The following DIS3L2 variants were observed in gnomAD, a reference collection of about 807,000 sequenced individuals.
The protein encoded by DIS3L2 is DIS3 like 3'-5' exoribonuclease 2.
Under a neutral mutation model 97.5 loss-of-function variants are expected in DIS3L2, and 34 were observed. The ratio of observed to expected loss-of-function variants is 0.35; its 90% CI spans 0.27 to 0.46. The LOEUF is 0.46. DIS3L2 is among the 20% of genes least tolerant of loss of function. DIS3L2 has a pLI of 1.00. For missense variants in DIS3L2, 1,038 were observed against 1,146.0 expected, an observed-to-expected ratio of 0.91 and a Z score of 1.36; for synonymous variants, 435 against 445.2, an observed-to-expected ratio of 0.98 and a Z score of 0.29.
chr2:232,230,391 C>A (rs796091346), intron 10 of DIS3L2, among the ~76,000 whole-genome samples: 10 of 152,342 alleles, frequency 6.6e-5, no homozygotes, highest in African/African-American at 2.4e-4. Context: ...CGGAACATCC[C>A]TTTCGCTCAG....
intron 5 of DIS3L2, among the ~76,000 whole-genome samples, chr2:232,082,040 T>G (rs997566439): frequency 6.6e-6 from 1 of 152,194 alleles, no homozygotes; most frequent in Non-Finnish European, 1.5e-5. Context: ...TCCGCCCACC[T>G]TGTCCTCCCA....
At chr2:232,199,396 C>T (rs1030981721) in intron 9 of DIS3L2, among the ~76,000 whole-genome samples, 1 of 152,150 alleles carries the variant, frequency 6.6e-6, no homozygotes. Context: ...TGATTCCTAA[C>T]AGGTAGAGCT....
At position 232,163,530 on chromosome 2, in the gene DIS3L2, G is replaced by A. The variant is rs781451057; in HGVS notation, c.1022G>A (p.Gly341Asp). The change falls in exon 9 of 21, where the codon GGC (glycine) becomes GAC (aspartate). Residue 341 changes from glycine (G) to aspartate (D), a missense_variant. Coordinates refer to ENST00000325385, the MANE Select transcript of DIS3L2 (RefSeq NM_152383.5). The stretch of plus-strand genomic sequence containing the variant: ...ACAGAAGGAATACTAACAGAGTATG[G>A]CGTGGATTTCTCTGATTTCTCTTCA... Reference protein sequence around the residue: ...PETEGILTEYGVDFSDFSSEV... With the variant: ...PETEGILTEYDVDFSDFSSEV... The A allele has an allele frequency of 1.9e-6, 3 of 1,614,168 alleles. No individual in the cohort carries two copies. The South Asian group carries it at 3.3e-5, about 18-fold the overall frequency.
intron 13 of DIS3L2, among the ~76,000 whole-genome samples, chr2:232,288,029 T>C (rs1694492947): frequency 6.6e-6 from 1 of 152,170 alleles, no homozygotes; most frequent in Non-Finnish European, 1.5e-5. Flanking sequence ...GGAAAGTGAT[T>C]CTTCTACCAG....
intron 1 of DIS3L2, among the ~76,000 whole-genome samples, chr2:231,964,697 A>G (rs922297328): frequency 2.6e-5 from 4 of 152,246 alleles, no homozygotes; most frequent in East Asian, 1.9e-4. Flanking sequence ...CTATAATTTC[A>G]TTCCAATTTA....
Position 232,330,784 on chromosome 2 carries a change from GGGCCCAGCCCCGGCCTCCCCT to G in DIS3L2, c.2010+10_2010+30del, listed in dbSNP as rs1346667405. 1 of 1,608,618 alleles carries G rather than the reference GGGCCCAGCCCCGGCCTCCCCT, an allele frequency of 6.2e-7. No homozygotes were observed. The highest frequency in any genetic ancestry group is 1.3e-5 in the African/African-American group (1 of 74,950). On this transcript the variant is annotated intron_variant, in intron 16 of 20. Coordinates refer to ENST00000325385, the MANE Select transcript of DIS3L2 (RefSeq NM_152383.5). ...TGCTCCCGGCCCATGCAGGTAAGGA[GGGCCCAGCCCCGGCCTCCCCT>G]GCTCCCAGGAGCACACTAGCCCCAG...
At chr2:232,223,961 G>A (rs116523044) in intron 10 of DIS3L2, among the ~76,000 whole-genome samples, 1,890 of 152,226 alleles carry the variant, frequency 0.012, 17 homozygotes, top group Non-Finnish European at 0.018. Flanking sequence ...GGTGGTGCAC[G>A]TCTATAGTCC....
At chr2:231,998,256 C>T (rs577113894) in intron 1 of DIS3L2, among the ~76,000 whole-genome samples, 83 of 152,276 alleles carry the variant, frequency 5.5e-4, no homozygotes, top group Non-Finnish European at 3.4e-4. Flanking sequence ...CTGCATCATC[C>T]TGTGGTGGGA....
intron 5 of DIS3L2, among the ~76,000 whole-genome samples, chr2:232,058,049 A>G (rs1308076454): frequency 6.6e-6 from 1 of 152,178 alleles, no homozygotes; most frequent in African/African-American, 2.4e-5. Context: ...TTATGTTGTA[A>G]TTGCAATGGT....
chr2:232,288,282 G>C (rs1018345722), intron 13 of DIS3L2, among the ~76,000 whole-genome samples: 5 of 152,232 alleles, frequency 3.3e-5, no homozygotes. Flanking sequence ...CCTTATGCAG[G>C]AGAACTCTTC....
chr2:231,998,367 C>G lies in DIS3L2; in HGVS notation c.-93-16468C>G, dbSNP rs984588580. Among the ~76,000 whole-genome samples the G allele has an allele frequency of 2.6e-5, 4 of 152,166 alleles. No homozygotes were observed. The East Asian group carries it at 5.8e-4, about 22-fold the overall frequency. On this transcript the variant is annotated intron_variant, in intron 1 of 20. Coordinates refer to ENST00000325385, the MANE Select transcript of DIS3L2 (RefSeq NM_152383.5). ...CATTAATTCATTCACTATGGTTGAG[C>G]CTTCATGGCCAAATTCCTTCTTAAT...
At chr2:232,083,215 A>G (rs898826569) in intron 5 of DIS3L2, among the ~76,000 whole-genome samples, 1 of 151,802 alleles carries the variant, frequency 6.6e-6, no homozygotes, top group Non-Finnish European at 1.5e-5. Flanking sequence ...CTTCGTATGC[A>G]TGAGCCAAAG....
intron 6 of DIS3L2, among the ~76,000 whole-genome samples, chr2:232,109,397 C>T (rs952743932): frequency 3.9e-5 from 6 of 152,032 alleles, no homozygotes; most frequent in African/African-American, 9.7e-5. Context: ...GCCGAGATTG[C>T]ACCACTACAC....
chr2:232,105,643 T>C (rs1287921878), intron 6 of DIS3L2, among the ~76,000 whole-genome samples: 4 of 152,198 alleles, frequency 2.6e-5, no homozygotes, highest in Non-Finnish European at 2.9e-5. Flanking sequence ...TAGAATATAC[T>C]CTGCCCCACT....
At chr2:232,212,207 G>A (rs978643178) in intron 10 of DIS3L2, among the ~76,000 whole-genome samples, 4 of 152,272 alleles carry the variant, frequency 2.6e-5, no homozygotes, top group Admixed American at 6.5e-5. Flanking sequence ...ATACCTGCTC[G>A]GCATATAGAC....
chr2:232,074,034 C>T (rs1475568289), intron 5 of DIS3L2, among the ~76,000 whole-genome samples: 2 of 152,312 alleles, frequency 1.3e-5, no homozygotes, highest in African/African-American at 4.8e-5. Context: ...CTTGCTAAGA[C>T]ACTTCTTTTC....
rs973959009 is a variant in DIS3L2 at position 232,233,666 on chromosome 2, G to T, written c.1205-4867G>T. Among the ~76,000 whole-genome samples the T allele has an allele frequency of 2.0e-5, 3 of 152,212 alleles. No homozygotes were observed. The South Asian group carries it at 6.2e-4, about 32-fold the overall frequency. ...GAATGAAGTGACCCAAGTCTGGAAG[G>T]CCTTATCTCACTGCTGGTAAGGGAA... On this transcript the variant is annotated intron_variant, in intron 10 of 20. Coordinates refer to ENST00000325385, the MANE Select transcript of DIS3L2 (RefSeq NM_152383.5).
chr2:232,206,410 C>A (rs961789416), intron 9 of DIS3L2, among the ~76,000 whole-genome samples: 3 of 152,202 alleles, frequency 2.0e-5, no homozygotes, highest in Admixed American at 2.0e-4. Context: ...AGCTGTCTGT[C>A]ACAACTGGTC....
chr2:232,327,524 C>T (rs547548068), intron 14 of DIS3L2, among the ~76,000 whole-genome samples: 3 of 152,336 alleles, frequency 2.0e-5, no homozygotes, highest in South Asian at 2.1e-4. Flanking sequence ...GAAGTATTTC[C>T]GTGCTGATGG....
Sources: gnomAD v4.1 joint callset for allele counts (sites outside exome capture counted in the v4.1 genomes callset) on GRCh38, gnomAD v4.1.1 for gene constraint, MANE v1.5 for transcripts, NCBI Gene and HGNC (gene_info 2026-07-23, HGNC 2026-07-21) for gene names.